The following VEPH1 variants were observed in gnomAD, a reference collection of about 807,000 sequenced individuals.
VEPH1 encodes ventricular zone expressed PH domain containing 1.
Under a neutral mutation model 85.2 loss-of-function variants are expected in VEPH1, and 80 were observed. That is an observed-to-expected ratio of 0.94 (90% confidence interval 0.78 to 1.13). The LOEUF (loss-of-function observed/expected upper bound fraction) is 1.13, where lower values mean the gene tolerates loss of function less well. Among genes scored for constraint, VEPH1 ranks in the 50% most tolerant of loss-of-function variants. The probability of loss-of-function intolerance (pLI) is 0.00; values close to 1 mark genes in which losing one functional copy is unlikely to be tolerated. For missense variants in VEPH1, 955 were observed against 980.5 expected (o/e 0.97, Z 0.35); for synonymous variants, 297 against 348.0 (o/e 0.85, Z 1.63).
At chr3:157,390,143 T>G (rs1729722936) in intron 6 of VEPH1, among the ~76,000 whole-genome samples, 1 of 152,236 alleles carries the variant, frequency 6.6e-6, no homozygotes, top group African/African-American at 2.4e-5. Context: ...TAGAAGAATA[T>G]GAAAAGTGTG....
At chr3:157,423,354 T>C (rs1732501713) in intron 5 of VEPH1, among the ~76,000 whole-genome samples, 1 of 152,204 alleles carries the variant, frequency 6.6e-6, no homozygotes, top group Non-Finnish European at 1.5e-5. Flanking sequence ...TGTTGTCCCT[T>C]GAAGCAATAG....
intron 4 of VEPH1, among the ~76,000 whole-genome samples, chr3:157,458,213 C>T (rs2047537616): frequency 6.6e-6 from 1 of 152,014 alleles, no homozygotes; most frequent in Admixed American, 6.6e-5. Context: ...GTAATATCAC[C>T]TTGTTGTTTC....
intron 11 of VEPH1, among the ~76,000 whole-genome samples, chr3:157,294,354 C>T (rs982413631): frequency 1.1e-4 from 16 of 152,262 alleles, no homozygotes; most frequent in Non-Finnish European, 7.4e-5. Context: ...GGAACAGATA[C>T]GTATTCTTGA....
intron 12 of VEPH1, among the ~76,000 whole-genome samples, chr3:157,278,084 T>G (rs1247350311): frequency 1.3e-5 from 2 of 152,194 alleles, no homozygotes; most frequent in Admixed American, 1.3e-4. Flanking sequence ...GTCCACTTCA[T>G]AGAACTTACT....
chr3:157,326,812 C>G (rs1721956148), intron 9 of VEPH1, among the ~76,000 whole-genome samples: 2 of 152,168 alleles, frequency 1.3e-5, no homozygotes, highest in Non-Finnish European at 2.9e-5. Context: ...AAGATTCACT[C>G]CCAGGTGGCC....
intron 9 of VEPH1, among the ~76,000 whole-genome samples, chr3:157,343,197 T>C (rs372967939): frequency 3.3e-5 from 5 of 151,846 alleles, no homozygotes; most frequent in African/African-American, 9.7e-5. Context: ...CTGAAGGAGA[T>C]AGAGACACAA....
Position 157,304,019 on chromosome 3 carries a change from T to TATA in VEPH1, c.2010+9601_2010+9602insTAT, listed in dbSNP as rs71872669. Among the ~76,000 whole-genome samples, 29 of 52,282 alleles carry TATA rather than the reference T, an allele frequency of 5.5e-4. 1 individual carries two copies. Among genetic ancestry groups the TATA allele is most frequent in the East Asian group, 1.4e-3 (2 of 1,470 alleles). The allele number at this position is 52,282 out of a possible 152,430, so 34.3% of individuals were successfully genotyped here. Reference sequence around the variant, plus strand: ...GTAGACTTAAATTTCTCATCTTATATTTTTTATATATATATATATACACAC... The same window carrying TATA: ...GTAGACTTAAATTTCTCATCTTATATATATTTTTATATATATATATATACACAC... On this transcript the variant is annotated intron_variant, in intron 11 of 13. Coordinates refer to ENST00000362010, the MANE Select transcript of VEPH1 (RefSeq NM_001167912.2).
chr3:157,369,180 GAAAAAAAAA>G (rs58451868), intron 7 of VEPH1, among the ~76,000 whole-genome samples: 9 of 42,786 alleles, frequency 2.1e-4, no homozygotes, highest in South Asian at 2.3e-3. Context: ...AAAACCAAAT[GAAAAAAAAA>G]AAAAAAAAAA....
At chr3:157,311,014 ATTT>A (rs1234916225) in intron 11 of VEPH1, among the ~76,000 whole-genome samples, 2 of 152,158 alleles carry the variant, frequency 1.3e-5, no homozygotes, top group Non-Finnish European at 1.5e-5. Flanking sequence ...TTTGCTTCCG[ATTT>A]TAACATCCAG....
At chr3:157,363,189 A>C in intron 9 of VEPH1, 175 bp downstream of exon 9, 1 of 558,420 alleles carries the variant, frequency 1.8e-6, no homozygotes. Context: ...CAAGATGATC[A>C]ACCTTTTCTT....
At chr3:157,457,542 T>C (rs1294129248) in intron 4 of VEPH1, among the ~76,000 whole-genome samples, 1 of 152,228 alleles carries the variant, frequency 6.6e-6, no homozygotes, top group Non-Finnish European at 1.5e-5. Flanking sequence ...CTTACTATTT[T>C]GAGGTATCCT....
At position 157,363,712 on chromosome 3, in the gene VEPH1, C is replaced by T. The variant is rs1726313630; in HGVS notation, c.1387G>A (p.Asp463Asn). 2.5e-6 allele frequency: 4 copies of T among 1,614,022 alleles called. No individual in the cohort carries two copies. In the African/African-American group the frequency reaches 4.0e-5, roughly 16 times the overall value. Residue 463 changes from aspartate to asparagine, a missense_variant, in exon 9 of 14, where the codon GAT becomes AAT. Coordinates refer to ENST00000362010, the MANE Select transcript of VEPH1 (RefSeq NM_001167912.2). The stretch of plus-strand genomic sequence containing the variant: ...CCCCTGTTTTCATCTTCGCCGTCAT[C>T]TGAACCCACACCCTTTGTGAGCATA... Reference protein sequence around the residue: ...HTMLTKGVGSDDGEDENRGDI... With the variant: ...HTMLTKGVGSNDGEDENRGDI...
intron 9 of VEPH1, among the ~76,000 whole-genome samples, chr3:157,318,638 A>AAAAGACAG (rs1553763849): frequency 8.3e-5 from 12 of 144,788 alleles, no homozygotes. Flanking sequence ...AAAAAAAAGA[A>AAAAGACAG]AGAAAGAAAG....
At chr3:157,446,274 G>A (rs945550811) in intron 4 of VEPH1, among the ~76,000 whole-genome samples, 1 of 151,944 alleles carries the variant, frequency 6.6e-6, no homozygotes, top group Non-Finnish European at 1.5e-5. Flanking sequence ...AGCACTGAAA[G>A]TTCCATGTCC....
At chr3:157,480,286 T>A (rs1246523619) in intron 2 of VEPH1, among the ~76,000 whole-genome samples, 1 of 152,148 alleles carries the variant, frequency 6.6e-6, no homozygotes, top group Non-Finnish European at 1.5e-5. Flanking sequence ...CACTTTCTTT[T>A]TAAAAATTTT....
At chr3:157,368,444 T>C (rs1434817220) in intron 7 of VEPH1, among the ~76,000 whole-genome samples, 1 of 152,100 alleles carries the variant, frequency 6.6e-6, no homozygotes. Flanking sequence ...AACAGGACAC[T>C]CAGCCAAATC....
chr3:157,303,160 T>A (rs535543836), intron 11 of VEPH1, among the ~76,000 whole-genome samples: 1 of 152,224 alleles, frequency 6.6e-6, no homozygotes, highest in African/African-American at 2.4e-5. Flanking sequence ...CTTCCTTTTT[T>A]GTTTTTGTTT....
intron 11 of VEPH1, among the ~76,000 whole-genome samples, chr3:157,304,441 C>G (rs1719242103): frequency 1.3e-5 from 2 of 152,138 alleles, no homozygotes; most frequent in Non-Finnish European, 1.5e-5. Flanking sequence ...TTAATAAAGG[C>G]CTTTTCTTTC....
At chr3:157,346,271 A>G (rs1346952268) in intron 9 of VEPH1, among the ~76,000 whole-genome samples, 1 of 152,202 alleles carries the variant, frequency 6.6e-6, no homozygotes. Flanking sequence ...ATTATCAGCA[A>G]AATATCTTAT....
Sources: gnomAD v4.1 joint callset for allele counts (sites outside exome capture counted in the v4.1 genomes callset) on GRCh38, gnomAD v4.1.1 for gene constraint, MANE v1.5 for transcripts, NCBI Gene and HGNC (gene_info 2026-07-23, HGNC 2026-07-21) for gene names.